The following USP42 variants were observed in gnomAD, a reference collection of about 807,000 sequenced individuals.
USP42 encodes ubiquitin carboxyl-terminal hydrolase 42.
In USP42, 23 loss-of-function variants were observed where a neutral mutation model predicts 113.0. The observed-to-expected ratio is 0.20, with a 90% CI of 0.15 to 0.29. USP42 has a LOEUF of 0.29. Ranked by LOEUF, USP42 falls within the 10% of genes least tolerant of loss-of-function variation. The probability of loss-of-function intolerance (pLI) is 1.00; values close to 1 mark genes in which losing one functional copy is unlikely to be tolerated. For synonymous variants in USP42, 933 were observed against 699.0 expected (o/e 1.33, Z -5.28); for missense variants, 2,174 against 1,779.8 (o/e 1.22, Z -3.99).
rs764470038 is a variant in USP42 at position 6,158,549 on chromosome 7, G to A, written c.3944-901G>A. ...GAGGGGTAAACGGTCCTTAGAGTGT[G>A]TGAGAGAGAGCTGGGGGTTGCGGGG... is the stretch of plus-strand genomic sequence containing the variant. On this transcript the variant is annotated intron_variant, in intron 16 of 17. Coordinates refer to ENST00000306177, the MANE Select transcript of USP42 (RefSeq NM_032172.3). This position sits in a 1 kb window ranked among gnomAD's most constrained non-coding sequence, Gnocchi z 4.2. 6.6e-6 allele frequency among the ~76,000 whole-genome samples: 1 copy of A among 152,210 alleles called. No individual in the cohort carries two copies. The highest frequency in any genetic ancestry group is 1.5e-5 in the Non-Finnish European group (1 of 68,034).
At position 6,139,309 on chromosome 7, in the gene USP42, T is replaced by G. The variant is rs1018490484; in HGVS notation, c.656+115T>G. ...GGAAGCACACAGAACAGTGTTCACT[T>G]TACCTTTTGGCTTTGCTCTGCCTCT... On this transcript the variant is annotated intron_variant, in intron 5 of 17. Coordinates refer to ENST00000306177, the MANE Select transcript of USP42 (RefSeq NM_032172.3). The surrounding 1 kb of genome is among the most constrained non-coding windows in gnomAD (Gnocchi z 4.5). The G allele has an allele frequency of 1.1e-5, 9 of 805,898 alleles. No individual in the cohort carries two copies. In the South Asian group the frequency reaches 2.0e-4, roughly 18 times the overall value. The allele number at this position is 805,898 out of a possible 1,614,324, so 49.9% of individuals were successfully genotyped here.
rs748287245 is a variant in USP42 at position 6,161,444 on chromosome 7, GTGT to G, written c.*931_*933del. The G allele has an allele frequency of 1.3e-5, 2 of 152,600 alleles. No homozygotes were observed. Among genetic ancestry groups the G allele is most frequent in the Non-Finnish European group, 2.9e-5 (2 of 68,022 alleles). 9.5% of individuals were successfully genotyped at this position (152,600 alleles called of 1,614,324 possible). Reference sequence around the variant, plus strand: ...ATAATCTGTATGGTTTATACAGTTTGTGTTGTTCAGAGATGTTTAAAGTTTGAT... The same window carrying G: ...ATAATCTGTATGGTTTATACAGTTTGTGTTCAGAGATGTTTAAAGTTTGAT... On this transcript the variant is annotated 3_prime_UTR_variant, in exon 18 of 18. Transcript: ENST00000306177.
chr7:6,119,101 G>C (rs1158111961), intron 3 of USP42, among the ~76,000 whole-genome samples: 1 of 151,818 alleles, frequency 6.6e-6, no homozygotes, highest in Non-Finnish European at 1.5e-5. Flanking sequence ...TATAGTCCTA[G>C]TTACTTCGGA....
Position 6,154,765 on chromosome 7 carries a change from G to C in USP42, c.3211G>C (p.Ala1071Pro). 6.4e-7 allele frequency: 1 copy of C among 1,556,192 alleles called. No homozygotes were observed. ...YYHDRYALYA[A>P]RDWKPFHGGR... ...CCATGACAGGTACGCCCTGTACGCT[G>C]CCCGGGACTGGAAGCCCTTCCACGG... Residue 1071 changes from alanine to proline, a missense_variant, in exon 15 of 18, where the codon GCC becomes CCC. Ala to Pro is a conservative substitution (Grantham distance 27). Transcript: ENST00000306177.
Position 6,160,960 on chromosome 7 carries a change from TAAA to T in USP42, c.*445_*447del, listed in dbSNP as rs1003888833. 14 of 152,652 alleles carry T rather than the reference TAAA, an allele frequency of 9.2e-5. No homozygotes were observed. The highest frequency in any genetic ancestry group is 2.9e-4 in the African/African-American group (12 of 41,456). The allele number at this position is 152,652 out of a possible 1,614,324, so 9.5% of individuals were successfully genotyped here. On this transcript the variant is annotated 3_prime_UTR_variant, in exon 18 of 18. Coordinates refer to ENST00000306177, the MANE Select transcript of USP42 (RefSeq NM_032172.3). ...TGTATATTTAATTTAAAGACTTATTTAAAAACTCACAAGCTCTCACCTAGACTT... is the reference window on the plus strand; with the variant it reads ...TGTATATTTAATTTAAAGACTTATTTAACTCACAAGCTCTCACCTAGACTT...
chr7:6,113,306 A>G (rs2128478880), intron 2 of USP42, among the ~76,000 whole-genome samples: 1 of 152,258 alleles, frequency 6.6e-6, no homozygotes, highest in Middle Eastern at 3.4e-3. Flanking sequence ...CGAATGTTGC[A>G]CATGGAGGTG....
chr7:6,154,101 G>A lies in USP42; in HGVS notation c.2547G>A (p.Ala849=), dbSNP rs763780817. Residue 849 remains alanine, a synonymous_variant, in exon 15 of 18, where the codon GCG becomes GCA. Transcript: ENST00000306177. ...IAEGPRDSAL[A]EAPEGLSPAP... The stretch of plus-strand genomic sequence containing the variant: ...AGGGCCCGCGGGACTCGGCGTTGGC[G>A]GAAGCCCCGGAAGGGTTGAGTCCGG... 4 of 1,603,826 alleles carry A rather than the reference G, an allele frequency of 2.5e-6. No homozygotes were observed. The highest frequency in any genetic ancestry group is 2.2e-5 in the South Asian group (2 of 90,876).
At chr7:6,112,698 C>T (rs1046204879) in intron 2 of USP42, among the ~76,000 whole-genome samples, 67 of 151,946 alleles carry the variant, frequency 4.4e-4, no homozygotes, top group African/African-American at 1.5e-3. Flanking sequence ...AACACAAATC[C>T]GTAAACTTTC....
rs556918457 is a variant in USP42, at chr7:6,153,905, C to G, written c.2351C>G (p.Pro784Arg). Residue 784 changes from proline (P) to arginine (R), a missense_variant, in exon 15 of 18, where the codon CCC becomes CGC. Physicochemically the swap from Pro to Arg is moderately radical, Grantham distance 103. Transcript: ENST00000306177. Reference protein sequence around the residue: ...KAPPPRDPGTPATKEGAWEAM... With the variant: ...KAPPPRDPGTRATKEGAWEAM... ...CCGCCGCCCCGCGATCCCGGCACCC[C>G]CGCTACCAAAGAAGGCGCCTGGGAG... The G allele has an allele frequency of 3.1e-6, 5 of 1,594,100 alleles. No individual in the cohort carries two copies. The highest frequency in any genetic ancestry group is 2.2e-5 in the South Asian group (2 of 89,206).
At chr7:6,144,260 G>A in intron 9 of USP42, 64 bp downstream of exon 9, 1 of 1,117,200 alleles carries the variant, frequency 9.0e-7, no homozygotes, top group Non-Finnish European at 1.3e-6. Flanking sequence ...CGTGTCTGTA[G>A]CTATTAAGGA....
At position 6,130,630 on chromosome 7, in the gene USP42, A is replaced by G. The variant is rs116999260; in HGVS notation, c.443-5211A>G. On this transcript the variant is annotated intron_variant, in intron 3 of 17. Coordinates refer to ENST00000306177, the MANE Select transcript of USP42 (RefSeq NM_032172.3). ...CCAGTATGGGTTAGGGTGCCTTGCT[A>G]CAGCCTGTTGAGTGTAAGTCAAGGC... Among the ~76,000 whole-genome samples, 98 of 152,200 alleles carry G rather than the reference A, an allele frequency of 6.4e-4. 1 individual carries two copies. In the East Asian group the frequency reaches 0.016, roughly 26 times the overall value.
rs116454726 is a variant in USP42, at chr7:6,149,168, C to G, written c.1387-415C>G. Among the ~76,000 whole-genome samples the G allele has an allele frequency of 2.9e-3, 436 of 152,254 alleles. 3 individuals carry two copies. In the Middle Eastern group the frequency reaches 0.031, roughly 11 times the overall value. On this transcript the variant is annotated intron_variant, in intron 12 of 17. Transcript: ENST00000306177. ...TGAGTGGCGGCTGAAGCAGCCCCTACTCTCCGCCCACGTGACCGTCTCCTT... is the reference window on the plus strand; with the variant it reads ...TGAGTGGCGGCTGAAGCAGCCCCTAGTCTCCGCCCACGTGACCGTCTCCTT...
chr7:6,146,087 T>C lies in USP42; in HGVS notation c.1132-61T>C, dbSNP rs1031390418. On this transcript the variant is annotated intron_variant, in intron 10 of 17. Coordinates refer to ENST00000306177, the MANE Select transcript of USP42 (RefSeq NM_032172.3). Reference sequence around the variant, plus strand: ...AAAAAAAAAGAAAGAAATATTTCTCTTGACTATGTTCCATGTTTAATTAAA... The same window carrying C: ...AAAAAAAAAGAAAGAAATATTTCTCCTGACTATGTTCCATGTTTAATTAAA... 2.1e-5 allele frequency: 26 copies of C among 1,241,908 alleles called. No homozygotes were observed. The Admixed American group carries it at 6.5e-4, about 31-fold the overall frequency. The allele number at this position is 1,241,908 out of a possible 1,614,324, so 76.9% of individuals were successfully genotyped here.
chr7:6,084,790 C>T, the USP42 span: 2 of 150,098 alleles, frequency 1.3e-5, no homozygotes, highest in Non-Finnish European at 2.9e-5. Flanking sequence ...AGAATTTCAG[C>T]TCACTGCAAC....
chr7:6,146,295 TTCTTG>T (rs1328951611), intron 11 of USP42, 47 bp downstream of exon 11: 2 of 1,178,220 alleles, frequency 1.7e-6, no homozygotes, highest in East Asian at 2.5e-5. Flanking sequence ...ATGTCATTTC[TTCTTG>T]TCTTATCAAC....
chr7:6,104,643 G>C (rs1417831063), upstream of USP42, among the ~76,000 whole-genome samples: 1 of 152,158 alleles, frequency 6.6e-6, no homozygotes, highest in South Asian at 2.1e-4. Flanking sequence ...GAAGCACAGG[G>C]CGGAAGGAGC....
chr7:6,114,673 T>G (rs1483484111), intron 2 of USP42, among the ~76,000 whole-genome samples: 1 of 34,468 alleles, frequency 2.9e-5, no homozygotes. Flanking sequence ...TATATATATA[T>G]ATATATTTTT....
At chr7:6,100,070 C>G (rs1027878965), upstream of USP42, among the ~76,000 whole-genome samples, 3 of 147,448 alleles carry the variant, frequency 2.0e-5, no homozygotes, top group Middle Eastern at 7.0e-3. Context: ...CCAGGCTGGT[C>G]TTGAACTCCT....
the USP42 span, among the ~76,000 whole-genome samples, chr7:6,092,044 C>CT: frequency 2.3e-5 from 2 of 87,188 alleles, no homozygotes; most frequent in Admixed American, 1.3e-4. Flanking sequence ...TCTTCTTCTT[C>CT]TTCTTCTTCT....
Sources: allele counts gnomAD v4.1 joint callset (sites outside exome capture counted in the v4.1 genomes callset), GRCh38; gene constraint gnomAD v4.1.1; non-coding constraint Gnocchi (gnomAD v3.1); transcripts MANE v1.5; gene names NCBI Gene and HGNC (gene_info 2026-07-23, HGNC 2026-07-21).